Variants in CCDC85C observed in about 807,000 individuals in gnomAD.
CCDC85C encodes the protein coiled-coil domain containing 85C.
CCDC85C carries 18 observed loss-of-function variants against 38.3 expected under a neutral mutation model. The observed-to-expected ratio is 0.47, with a 90% CI of 0.33 to 0.70. CCDC85C has a LOEUF of 0.70. Among genes scored for constraint, CCDC85C ranks in the 30% least tolerant of loss-of-function variants. CCDC85C has a pLI of 0.03. For missense variants in CCDC85C, 566 were observed against 621.2 expected, an observed-to-expected ratio of 0.91 and a Z score of 0.94; for synonymous variants, 264 against 293.8, an observed-to-expected ratio of 0.90 and a Z score of 1.04.
intron 1 of CCDC85C, among the ~76,000 whole-genome samples, chr14:99,540,455 T>G (rs1897690622): frequency 6.6e-6 from 1 of 152,064 alleles, no homozygotes; most frequent in Non-Finnish European, 1.5e-5. Flanking sequence ...GCCTCAAAAC[T>G]CGTGATCCCA....
rs1449736717 is a variant in CCDC85C, at chr14:99,603,927, C to T, written c.33G>A (p.Ala11=). MAKPAATAAA[A]SEELSQVPDE... ...CCGGCACCTGGCTCAGCTCCTCCGACGCCGCCGCCGCCGTCGCCGCGGGCT... is the reference window on the plus strand; with the variant it reads ...CCGGCACCTGGCTCAGCTCCTCCGATGCCGCCGCCGCCGTCGCCGCGGGCT... The change falls in exon 1 of 6, where the codon GCG becomes GCA. Residue 11 remains alanine, a synonymous_variant. Coordinates refer to ENST00000380243, the MANE Select transcript of CCDC85C (RefSeq NM_001144995.2). The surrounding 1 kb of genome is among the most constrained non-coding windows in gnomAD (Gnocchi z 7.5). The T allele has an allele frequency of 1.4e-6, 2 of 1,413,954 alleles. No individual in the cohort carries two copies. Among genetic ancestry groups the T allele is most frequent in the Admixed American group, 2.9e-5 (1 of 34,726 alleles). The allele number at this position is 1,413,954 out of a possible 1,614,324, so 87.6% of individuals were successfully genotyped here. A position where few individuals can be genotyped will look rare whatever the true frequency, so the allele number is the denominator to read the frequency against.
At chr14:99,570,536 G>A (rs1037651649) in intron 1 of CCDC85C, among the ~76,000 whole-genome samples, 2 of 152,134 alleles carry the variant, frequency 1.3e-5, no homozygotes, top group African/African-American at 2.4e-5. Context: ...GCTGGGCCTC[G>A]GATGCTTCTT....
chr14:99,518,607 G>A (rs1397821892), intron 3 of CCDC85C, among the ~76,000 whole-genome samples: 1 of 152,032 alleles, frequency 6.6e-6, no homozygotes, highest in Non-Finnish European at 1.5e-5. Context: ...GGGGGCGCCA[G>A]TCGCACACAT....
chr14:99,597,447 T>G (rs1410925330), intron 1 of CCDC85C, among the ~76,000 whole-genome samples: 1 of 152,160 alleles, frequency 6.6e-6, no homozygotes, highest in Non-Finnish European at 1.5e-5. Flanking sequence ...CCCAGAGCTG[T>G]CTGGGGTGTC....
At position 99,503,227 on chromosome 14, in the gene CCDC85C, C is replaced by G; in HGVS notation, c.*12019G>C. ...TCCAGCCCTGCTGCCTGTTTCATCCCTGCCAGGGTTCTGAAGCCTGTCGGT... is the reference window on the plus strand; with the variant it reads ...TCCAGCCCTGCTGCCTGTTTCATCCGTGCCAGGGTTCTGAAGCCTGTCGGT... On this transcript the variant is annotated 3_prime_UTR_variant, in exon 6 of 6. Coordinates refer to ENST00000380243, the MANE Select transcript of CCDC85C (RefSeq NM_001144995.2). 1 of 671,818 alleles carries G rather than the reference C, an allele frequency of 1.5e-6. No individual in the cohort carries two copies. The highest frequency in any genetic ancestry group is 2.7e-6 in the Non-Finnish European group (1 of 371,838). 41.6% of individuals were successfully genotyped at this position (671,818 alleles called of 1,614,324 possible).
At position 99,502,568 on chromosome 14, in the gene CCDC85C, C is replaced by T. The variant is rs1381891284; in HGVS notation, c.*12678G>A. ...ATACTTTTGGTAAACTAAAAATACA[C>T]ACCAGTGTTGCACACAACGAAGATG... On this transcript the variant is annotated 3_prime_UTR_variant, in exon 6 of 6. Transcript: ENST00000380243. 8.3e-7 allele frequency: 1 copy of T among 1,207,852 alleles called. No individual in the cohort carries two copies. The highest frequency in any genetic ancestry group is 1.6e-5 in the South Asian group (1 of 64,102). The allele number at this position is 1,207,852 out of a possible 1,614,324, so 74.8% of individuals were successfully genotyped here.
chr14:99,571,333 A>G (rs1305434837), intron 1 of CCDC85C, among the ~76,000 whole-genome samples: 1 of 129,282 alleles, frequency 7.7e-6, no homozygotes, highest in Non-Finnish European at 1.6e-5. Context: ...CACAGCAGCA[A>G]TAGTAGTAGT....
rs1206150888 is a variant in CCDC85C at position 99,503,523 on chromosome 14, G to A, written c.*11723C>T. The A allele has an allele frequency of 1.7e-6, 2 of 1,162,476 alleles. No individual in the cohort carries two copies. Among genetic ancestry groups the A allele is most frequent in the African/African-American group, 3.1e-5 (2 of 63,988 alleles). The allele number at this position is 1,162,476 out of a possible 1,614,324, so 72.0% of individuals were successfully genotyped here. ...GAGGCTGTTCACAGTGACTGCCGTC[G>A]CTGATTCTGGTGGTACCTGGATAAT... On this transcript the variant is annotated 3_prime_UTR_variant, in exon 6 of 6. Coordinates refer to ENST00000380243, the MANE Select transcript of CCDC85C (RefSeq NM_001144995.2).
intron 1 of CCDC85C, among the ~76,000 whole-genome samples, chr14:99,551,920 A>G (rs1386595423): frequency 6.6e-6 from 1 of 152,234 alleles, no homozygotes. Context: ...CAGCGACAGC[A>G]GCCAGGTCCC....
chr14:99,580,822 G>A (rs905823164), intron 1 of CCDC85C, among the ~76,000 whole-genome samples: 6 of 152,144 alleles, frequency 3.9e-5, no homozygotes, highest in South Asian at 2.1e-4. Flanking sequence ...CCAAGATCGC[G>A]CGACTGCACT....
At chr14:99,530,130 G>A (rs538803407) in intron 2 of CCDC85C, among the ~76,000 whole-genome samples, 5 of 152,316 alleles carry the variant, frequency 3.3e-5, no homozygotes, top group South Asian at 4.1e-4. Flanking sequence ...TCTGGCTCAC[G>A]GTGGACACTC....
At chr14:99,568,245 C>CTTTTTT in intron 1 of CCDC85C, among the ~76,000 whole-genome samples, 1 of 74,530 alleles carries the variant, frequency 1.3e-5, no homozygotes, top group Non-Finnish European at 2.6e-5. Context: ...GGCCACCTGC[C>CTTTTTT]CTTTATTTTT....
At chr14:99,559,407 A>G (rs1324096536) in intron 1 of CCDC85C, among the ~76,000 whole-genome samples, 1 of 152,136 alleles carries the variant, frequency 6.6e-6, no homozygotes, top group Non-Finnish European at 1.5e-5. Flanking sequence ...GTAGGAAGCT[A>G]TTACACCTTC....
At chr14:99,595,796 C>G (rs995601167) in intron 1 of CCDC85C, among the ~76,000 whole-genome samples, 1 of 152,228 alleles carries the variant, frequency 6.6e-6, no homozygotes, top group Non-Finnish European at 1.5e-5. Flanking sequence ...TGTAACTTGC[C>G]TCACCATCCT....
chr14:99,563,637 G>A (rs559000456), intron 1 of CCDC85C, among the ~76,000 whole-genome samples: 10 of 152,244 alleles, frequency 6.6e-5, no homozygotes, highest in Non-Finnish European at 1.5e-4. Flanking sequence ...GGAGATGTCA[G>A]GCACCATGCT....
Position 99,513,648 on chromosome 14 carries a change from G to C in CCDC85C, c.*1598C>G, listed in dbSNP as rs1897174634. 6.6e-6 allele frequency: 1 copy of C among 152,462 alleles called. No homozygotes were observed. The highest frequency in any genetic ancestry group is 1.9e-4 in the East Asian group (1 of 5,174). The allele number at this position is 152,462 out of a possible 1,614,324, so 9.4% of individuals were successfully genotyped here. A position where few individuals can be genotyped will look rare whatever the true frequency, so the allele number is the denominator to read the frequency against. The stretch of plus-strand genomic sequence containing the variant: ...CTCCCTCCTCTTGCCTGCATCCCCA[G>C]CCCTGGGCCTGCATGAGACCTGCTG... On this transcript the variant is annotated 3_prime_UTR_variant, in exon 6 of 6. Coordinates refer to ENST00000380243, the MANE Select transcript of CCDC85C (RefSeq NM_001144995.2).
intron 1 of CCDC85C, among the ~76,000 whole-genome samples, chr14:99,570,759 C>G (rs925988460): frequency 2.6e-5 from 4 of 152,108 alleles, no homozygotes; most frequent in African/African-American, 9.7e-5. Flanking sequence ...CTCACAGGCA[C>G]GTGCAGCTTT....
chr14:99,565,554 G>A (rs1898199361), intron 1 of CCDC85C, among the ~76,000 whole-genome samples: 1 of 152,216 alleles, frequency 6.6e-6, no homozygotes, highest in Non-Finnish European at 1.5e-5. Context: ...CATGCTCCAG[G>A]TGCATGAACC....
chr14:99,556,058 T>C (rs936726616), intron 1 of CCDC85C, among the ~76,000 whole-genome samples: 13 of 152,334 alleles, frequency 8.5e-5, no homozygotes, highest in Non-Finnish European at 1.6e-4. Flanking sequence ...TAAAGAAAGA[T>C]TGAGACACAG....
Sources: allele counts gnomAD v4.1 joint callset (sites outside exome capture counted in the v4.1 genomes callset), GRCh38; gene constraint gnomAD v4.1.1; non-coding constraint Gnocchi (gnomAD v3.1); transcripts MANE v1.5; gene names NCBI Gene and HGNC (gene_info 2026-07-23, HGNC 2026-07-21).